The following CPNE5 variants were observed in gnomAD, a reference collection of about 807,000 sequenced individuals.
CPNE5 encodes the protein copine 5.
CPNE5 carries 42 observed loss-of-function variants against 81.1 expected under a neutral mutation model. That is an observed-to-expected ratio of 0.52 (90% CI 0.40 to 0.67). CPNE5 has a LOEUF of 0.67. CPNE5 is among the 30% of genes least tolerant of loss of function. CPNE5 has a pLI of 0.00. For missense variants in CPNE5, 612 were observed against 815.5 expected, an observed-to-expected ratio of 0.75 and a Z score of 3.04; for synonymous variants, 313 against 321.5, an observed-to-expected ratio of 0.97 and a Z score of 0.28.
At chr6:36,756,040 C>T (rs971266078) in intron 13 of CPNE5, 8 of 572,790 alleles carry the variant, frequency 1.4e-5, no homozygotes, top group African/African-American at 1.4e-4. Flanking sequence ...ATACAGCCAG[C>T]GCCTGTTGTG....
At chr6:36,819,428 T>A (rs1311598740) in intron 3 of CPNE5, among the ~76,000 whole-genome samples, 9 of 152,190 alleles carry the variant, frequency 5.9e-5, no homozygotes, top group Non-Finnish European at 1.0e-4. Flanking sequence ...TTCTTTTTTT[T>A]ATTTGTTTTA....
At chr6:36,829,841 T>A (rs1165016129) in intron 1 of CPNE5, among the ~76,000 whole-genome samples, 26 of 68,838 alleles carry the variant, frequency 3.8e-4, no homozygotes, top group African/African-American at 6.4e-4. Context: ...AAGTTGAGTG[T>A]AGGAATTGCA....
At chr6:36,820,892 A>G (rs1046650307) in intron 3 of CPNE5, among the ~76,000 whole-genome samples, 1 of 152,036 alleles carries the variant, frequency 6.6e-6, no homozygotes, top group Admixed American at 6.6e-5. Context: ...AGCTGCAGTG[A>G]GTCATGATCA....
At chr6:36,753,240 A>G (rs1765042150) in intron 13 of CPNE5, 145 bp from the exon 14 acceptor site, 2 of 619,290 alleles carry the variant, frequency 3.2e-6, no homozygotes, top group African/African-American at 1.8e-5. Context: ...CACCCCATGA[A>G]GTACTATTAT....
Position 36,839,245 on chromosome 6 carries a change from G to T in CPNE5, c.95+38C>A. 6.9e-7 allele frequency: 1 copy of T among 1,447,860 alleles called. No homozygotes were observed. The highest frequency in any genetic ancestry group is 1.3e-5 in the South Asian group (1 of 76,670). The allele number at this position is 1,447,860 out of a possible 1,614,324, so 89.7% of individuals were successfully genotyped here. On this transcript the variant is annotated intron_variant, in intron 1 of 20. Coordinates refer to ENST00000244751, the MANE Select transcript of CPNE5 (RefSeq NM_020939.2). The surrounding 1 kb of genome is among the most constrained non-coding windows in gnomAD (Gnocchi z 7.3). Reference sequence around the variant, plus strand: ...CAGGGGCCGCGGGGCTCTGCGTCCAGGGCCGGGGCAAGGGGACCCGGCCAG... The same window carrying T: ...CAGGGGCCGCGGGGCTCTGCGTCCATGGCCGGGGCAAGGGGACCCGGCCAG...
chr6:36,763,053 C>CAGCCTT, intron 11 of CPNE5, 61 bp from the exon 12 acceptor site: 1 of 1,412,186 alleles, frequency 7.1e-7, no homozygotes, highest in Non-Finnish European at 1.0e-6. Flanking sequence ...TGCCCAGCCC[C>CAGCCTT]AGCCTTGCAC....
rs149000119 is a variant in CPNE5, at chr6:36,744,272, G to A, written c.1485C>T (p.Phe495=). ...GAAGGCAGCAGCTGGACTCACCGTC[G>A]AACTCTGCCTGGCCCACGCCGACGA... ...IIIVGVGQAE[F]DAMVELDGDD... is the part of the protein sequence containing the mutation. The change falls in exon 19 of 21, where the codon TTC becomes TTT. Residue 495 remains phenylalanine (F), a synonymous_variant. Transcript: ENST00000244751. 3.5e-5 allele frequency: 55 copies of A among 1,578,764 alleles called. No individual in the cohort carries two copies. The highest frequency in any genetic ancestry group is 3.3e-4 in the Middle Eastern group (2 of 6,032).
At chr6:36,792,355 T>C (rs1396049707) in intron 7 of CPNE5, 15 of 1,510,708 alleles carry the variant, frequency 9.9e-6, no homozygotes, top group African/African-American at 2.8e-5. Flanking sequence ...GGGTAGTGCC[T>C]GCAGTGAAAG....
At chr6:36,765,546 C>T (rs1478150701) in intron 10 of CPNE5, among the ~76,000 whole-genome samples, 170 bp from the exon 11 acceptor site, 3 of 152,172 alleles carry the variant, frequency 2.0e-5, no homozygotes, top group African/African-American at 4.8e-5. Context: ...CTCTTGAGGC[C>T]TTTTAGGAAA....
At chr6:36,795,987 C>T (rs1769531929) in intron 6 of CPNE5, among the ~76,000 whole-genome samples, 1 of 152,150 alleles carries the variant, frequency 6.6e-6, no homozygotes, top group African/African-American at 2.4e-5. Flanking sequence ...CTCGTTCTGT[C>T]ACCCAGGCTA....
At chr6:36,825,202 C>T (rs1460510240) in intron 1 of CPNE5, among the ~76,000 whole-genome samples, 2 of 152,124 alleles carry the variant, frequency 1.3e-5, no homozygotes, top group East Asian at 3.8e-4. Context: ...TGCCCCACGC[C>T]CTAAGGTGGG....
At chr6:36,785,021 G>A (rs2150487069) in intron 8 of CPNE5, among the ~76,000 whole-genome samples, 1 of 151,590 alleles carries the variant, frequency 6.6e-6, no homozygotes, top group South Asian at 2.1e-4. Flanking sequence ...AGAAGATAAA[G>A]CAGCTCCTGC....
At chr6:36,800,107 G>A in intron 3 of CPNE5, 37 bp from the exon 4 acceptor site, 2 of 1,498,014 alleles carry the variant, frequency 1.3e-6, no homozygotes, top group South Asian at 2.3e-5. Flanking sequence ...TCAGGGCCGG[G>A]CTGGTGGGGC....
chr6:36,760,108 G>T (rs1765876002), intron 12 of CPNE5, among the ~76,000 whole-genome samples: 1 of 151,578 alleles, frequency 6.6e-6, no homozygotes, highest in Non-Finnish European at 1.5e-5. Context: ...CCAGCTACTT[G>T]GGAGACTGAG....
intron 7 of CPNE5, chr6:36,792,440 A>G (rs1202241620): frequency 7.4e-7 from 1 of 1,356,470 alleles, no homozygotes; most frequent in Non-Finnish European, 9.7e-7. Context: ...CCATCCAAAG[A>G]CCACTTCTGT....
intron 3 of CPNE5, among the ~76,000 whole-genome samples, chr6:36,810,044 G>T (rs987738796): frequency 5.6e-4 from 85 of 152,022 alleles, no homozygotes; most frequent in African/African-American, 2.0e-3. Flanking sequence ...CCCTCCCAGA[G>T]GCAACCCATG....
At chr6:36,835,797 T>C (rs9368964) in intron 1 of CPNE5, among the ~76,000 whole-genome samples, 29,156 of 144,558 alleles carry the variant, frequency 0.2, 3,608 homozygotes, top group East Asian at 0.33. Flanking sequence ...GAGCAAAAAC[T>C]CCGTCTCAAA....
intron 3 of CPNE5, among the ~76,000 whole-genome samples, chr6:36,819,763 C>CGTAG (rs1216320745): frequency 3.3e-5 from 5 of 152,138 alleles, no homozygotes; most frequent in African/African-American, 1.2e-4. Context: ...TGCCTCCTAC[C>CGTAG]CCTCTCTTAG....
At chr6:36,800,854 G>C (rs1770041946) in intron 3 of CPNE5, among the ~76,000 whole-genome samples, 1 of 152,186 alleles carries the variant, frequency 6.6e-6, no homozygotes, top group African/African-American at 2.4e-5. Context: ...GAGGCCCCAG[G>C]CTAATACCAG....
Sources: allele counts gnomAD v4.1 joint callset (sites outside exome capture counted in the v4.1 genomes callset), GRCh38; gene constraint gnomAD v4.1.1; non-coding constraint Gnocchi (gnomAD v3.1); transcripts MANE v1.5; gene names NCBI Gene and HGNC (gene_info 2026-07-23, HGNC 2026-07-21).